The following KCNH1 variants were observed in gnomAD, a reference collection of about 807,000 sequenced individuals.
KCNH1 encodes voltage-gated delayed rectifier potassium channel KCNH1.
A neutral mutation model predicts 69.2 loss-of-function variants in KCNH1; 27 were observed. The ratio of observed to expected loss-of-function variants is 0.39; its 90% CI spans 0.29 to 0.54. The LOEUF (loss-of-function observed/expected upper bound fraction) is 0.54, where lower values mean the gene tolerates loss of function less well. KCNH1 is among the 20% of genes least tolerant of loss of function. The pLI is 0.68. For missense variants in KCNH1, 798 were observed against 1,261.6 expected, an observed-to-expected ratio of 0.63 and a Z score of 5.57; for synonymous variants, 456 against 487.7, an observed-to-expected ratio of 0.93 and a Z score of 0.86.
At chr1:210,699,932 C>A (rs1490856648) in intron 10 of KCNH1, among the ~76,000 whole-genome samples, 1 of 152,112 alleles carries the variant, frequency 6.6e-6, no homozygotes, top group Non-Finnish European at 1.5e-5. Flanking sequence ...TCCTCCTGAC[C>A]AGCTGCCAAG....
intron 7 of KCNH1, among the ~76,000 whole-genome samples, chr1:210,812,575 T>C (rs1343920627): frequency 1.3e-5 from 2 of 152,230 alleles, no homozygotes; most frequent in Non-Finnish European, 2.9e-5. Flanking sequence ...ATTTCCAGTC[T>C]TATCATTCTT....
At chr1:211,043,530 A>C (rs189997715) in intron 5 of KCNH1, among the ~76,000 whole-genome samples, 13 of 152,300 alleles carry the variant, frequency 8.5e-5, no homozygotes, top group African/African-American at 3.1e-4. Context: ...AGACATTCAA[A>C]GTCCTCTTGA....
At chr1:211,082,731 T>C (rs375999145) in intron 5 of KCNH1, 49 bp downstream of exon 5, 38 of 1,448,568 alleles carry the variant, frequency 2.6e-5, no homozygotes, top group African/African-American at 2.2e-4. Context: ...CCTCAGCCCA[T>C]GCACCCCCTA....
At chr1:210,952,387 C>T (rs781678018) in intron 6 of KCNH1, among the ~76,000 whole-genome samples, 1 of 152,094 alleles carries the variant, frequency 6.6e-6, no homozygotes, top group Non-Finnish European at 1.5e-5. Context: ...TCAGTCTATC[C>T]AGCAGAGATT....
At chr1:210,731,687 A>G (rs370239423) in intron 10 of KCNH1, among the ~76,000 whole-genome samples, 5 of 152,212 alleles carry the variant, frequency 3.3e-5, no homozygotes, top group African/African-American at 1.2e-4. Context: ...AAAAACACAT[A>G]TATTGCTGTT....
At chr1:210,714,689 G>A (rs1412658677) in intron 10 of KCNH1, among the ~76,000 whole-genome samples, 2 of 152,162 alleles carry the variant, frequency 1.3e-5, no homozygotes, top group African/African-American at 4.8e-5. Flanking sequence ...ACGTAAAGAG[G>A]ATCATGATAC....
At chr1:211,099,181 CAT>C (rs376758993) in intron 3 of KCNH1, among the ~76,000 whole-genome samples, 11 of 152,120 alleles carry the variant, frequency 7.2e-5, no homozygotes, top group African/African-American at 2.6e-4. Flanking sequence ...ACTAAATAAA[CAT>C]ATGATTTTTA....
chr1:210,961,129 T>C (rs918090791), intron 6 of KCNH1, among the ~76,000 whole-genome samples: 2 of 152,212 alleles, frequency 1.3e-5, no homozygotes, highest in African/African-American at 4.8e-5. Flanking sequence ...TCTTCATATC[T>C]GCTTTGATGA....
chr1:210,709,408 A>G lies in KCNH1; in HGVS notation c.2113-25270T>C, dbSNP rs76001292. Among the ~76,000 whole-genome samples the G allele has an allele frequency of 9.8e-3, 1,486 of 152,292 alleles. 50 individuals carry two copies. Among genetic ancestry groups the G allele is most frequent in the East Asian group, 0.061 (315 of 5,164 alleles). On this transcript the variant is annotated intron_variant, in intron 10 of 10. Transcript: ENST00000271751. ...GGCATGGAACAGATTCTTCCTCACA[A>G]GCTTCAGAGGGAACCAACCCTACAG...
At chr1:210,977,828 T>C (rs1363631031) in intron 6 of KCNH1, among the ~76,000 whole-genome samples, 1 of 152,156 alleles carries the variant, frequency 6.6e-6, no homozygotes, top group African/African-American at 2.4e-5. Flanking sequence ...AGTGTGATAT[T>C]TCAGTACATG....
chr1:210,869,363 T>A (rs1346919138), intron 7 of KCNH1, among the ~76,000 whole-genome samples: 1 of 152,146 alleles, frequency 6.6e-6, no homozygotes, highest in Non-Finnish European at 1.5e-5. Context: ...CTTCATCCTT[T>A]CTGGGACTCC....
chr1:210,976,759 C>A (rs533895902), intron 6 of KCNH1, among the ~76,000 whole-genome samples: 1 of 150,116 alleles, frequency 6.7e-6, no homozygotes, highest in Admixed American at 6.7e-5. Flanking sequence ...CAATGAGATA[C>A]CATCTCACAC....
At chr1:210,738,764 C>A (rs1267628045) in intron 10 of KCNH1, among the ~76,000 whole-genome samples, 4 of 151,704 alleles carry the variant, frequency 2.6e-5, no homozygotes, top group Admixed American at 1.3e-4. Context: ...AATGATCTTG[C>A]TATGTTTCCC....
At chr1:210,898,685 G>GC (rs1553357270) in intron 7 of KCNH1, among the ~76,000 whole-genome samples, 1 of 151,894 alleles carries the variant, frequency 6.6e-6, no homozygotes, top group Admixed American at 6.6e-5. Context: ...TGGCGGCGGG[G>GC]GGGGGTCCTG....
In KCNH1 at chr1:211,090,615, G is replaced by A. The variant is rs1345200377; in HGVS notation, c.386C>T (p.Thr129Ile). The change falls in exon 4 of 11, where the codon ACT becomes ATT. Residue 129 changes from threonine to isoleucine, a missense_variant. Around this residue, in one of 4 missense-constraint regions of KCNH1, gnomAD observed 266 missense variants for 457.2 expected, o/e 0.58. Transcript: ENST00000271751. ...TTTGAAAGCTGTTATGTCACTGAAA[G>A]TGCAAAGAAATAAAACCACTTTATC... The part of the protein sequence containing the change: ...EQDKVVLFLC[T>I]FSDITAFKQP... The A allele has an allele frequency of 5.6e-6, 9 of 1,609,738 alleles. No individual in the cohort carries two copies. The highest frequency in any genetic ancestry group is 7.6e-6 in the Non-Finnish European group (9 of 1,179,124).
At chr1:210,957,545 G>A (rs1391216708) in intron 6 of KCNH1, among the ~76,000 whole-genome samples, 2 of 152,094 alleles carry the variant, frequency 1.3e-5, no homozygotes, top group African/African-American at 4.8e-5. Context: ...TTGTGTGGGA[G>A]CCTAAGTCTC....
intron 10 of KCNH1, among the ~76,000 whole-genome samples, chr1:210,709,409 G>C (rs1574197502): frequency 6.6e-6 from 1 of 152,178 alleles, no homozygotes; most frequent in East Asian, 1.9e-4. Flanking sequence ...TTCCTCACAA[G>C]CTTCAGAGGG....
intron 10 of KCNH1, among the ~76,000 whole-genome samples, chr1:210,760,110 T>C: frequency 6.6e-6 from 1 of 152,130 alleles, no homozygotes; most frequent in Non-Finnish European, 1.5e-5. Context: ...CCCCAGTTCA[T>C]GGAAAAATTG....
intron 6 of KCNH1, among the ~76,000 whole-genome samples, chr1:210,950,933 A>T (rs1688052545): frequency 6.6e-6 from 1 of 152,218 alleles, no homozygotes; most frequent in Non-Finnish European, 1.5e-5. Flanking sequence ...CCTTCATGGA[A>T]CTTACCTTCT....
Sources: allele counts gnomAD v4.1 joint callset (sites outside exome capture counted in the v4.1 genomes callset), GRCh38; gene constraint gnomAD v4.1.1; regional missense constraint gnomAD v4.1.1; transcripts MANE v1.5; gene names NCBI Gene and HGNC (gene_info 2026-07-23, HGNC 2026-07-21).